The following CACNB2 variants were observed in gnomAD, a reference collection of about 807,000 sequenced individuals.
CACNB2 encodes calcium voltage-gated channel auxiliary subunit beta 2, also known as voltage-dependent L-type calcium channel subunit beta-2.
CACNB2 carries 42 observed loss-of-function variants against 73.3 expected under a neutral mutation model. The observed-to-expected ratio is 0.57, with a 90% CI of 0.45 to 0.74. CACNB2 has a LOEUF of 0.74. CACNB2 is among the 30% of genes least tolerant of loss of function. CACNB2 has a pLI of 0.00. For synonymous variants in CACNB2, 348 were observed against 310.3 expected (o/e 1.12, Z -1.28); for missense variants, 940 against 853.0 (o/e 1.10, Z -1.27).
chr10:18,356,657 G>A (rs889887971), intron 2 of CACNB2, among the ~76,000 whole-genome samples: 1 of 150,754 alleles, frequency 6.6e-6, no homozygotes, highest in Non-Finnish European at 1.5e-5. Context: ...TTTTAACAGA[G>A]TCTTACTCTA....
intron 3 of CACNB2, among the ~76,000 whole-genome samples, chr10:18,429,990 C>CA (rs1364295358): frequency 6.6e-6 from 1 of 151,746 alleles, no homozygotes; most frequent in Non-Finnish European, 1.5e-5. Context: ...AAAAACAAAA[C>CA]AAAAAAAGTC....
At chr10:18,394,021 A>C (rs1158303511) in intron 2 of CACNB2, among the ~76,000 whole-genome samples, 1 of 152,286 alleles carries the variant, frequency 6.6e-6, no homozygotes, top group African/African-American at 2.4e-5. Context: ...GGCTTACTGC[A>C]ACCTCTGCCT....
chr10:18,484,569 T>C (rs1487240735), intron 3 of CACNB2, among the ~76,000 whole-genome samples: 1 of 151,428 alleles, frequency 6.6e-6, no homozygotes, highest in Non-Finnish European at 1.5e-5. Flanking sequence ...AAGAAGAGAG[T>C]GCTCAAATTA....
rs891821708 is a variant in CACNB2, at chr10:18,496,044, G to A, written c.334-2311G>A. ...CTACTAAAAATACAAAAATTAGCCA[G>A]GCATGATGGCGGGTGCCTGTAGTCC... is the stretch of plus-strand genomic sequence containing the variant. On this transcript the variant is annotated intron_variant, in intron 3 of 13. Coordinates refer to ENST00000324631, the MANE Select transcript of CACNB2 (RefSeq NM_201596.3). Among the ~76,000 whole-genome samples the A allele has an allele frequency of 2.0e-5, 3 of 152,122 alleles. No homozygotes were observed. The South Asian group carries it at 6.2e-4, about 32-fold the overall frequency.
At chr10:18,318,234 G>C (rs894050279) in intron 2 of CACNB2, among the ~76,000 whole-genome samples, 4 of 152,076 alleles carry the variant, frequency 2.6e-5, no homozygotes, top group African/African-American at 9.7e-5. Context: ...ACACTACAAG[G>C]CTGCAGTAAC....
intron 2 of CACNB2, among the ~76,000 whole-genome samples, chr10:18,210,878 G>A (rs2035290091): frequency 6.6e-6 from 1 of 152,124 alleles, no homozygotes; most frequent in Non-Finnish European, 1.5e-5. Context: ...ATGGCTTTTG[G>A]ACTCAGAATA....
intron 2 of CACNB2, among the ~76,000 whole-genome samples, chr10:18,205,431 T>C (rs892933222): frequency 6.6e-6 from 1 of 152,226 alleles, no homozygotes; most frequent in African/African-American, 2.4e-5. Context: ...AGGATGCGCA[T>C]GACTAGTTTG....
chr10:18,220,221 ATATATATAT>A (rs2035708031), intron 2 of CACNB2, among the ~76,000 whole-genome samples: 18 of 57,266 alleles, frequency 3.1e-4, no homozygotes, highest in African/African-American at 1.6e-3. Context: ...ATATATATAT[ATATATATAT>A]ATAGAGAGAG....
intron 2 of CACNB2, among the ~76,000 whole-genome samples, chr10:18,390,116 G>A (rs1014956738): frequency 4.6e-5 from 7 of 152,178 alleles, no homozygotes; most frequent in Admixed American, 2.0e-4. Flanking sequence ...ATTGCCACCC[G>A]GGAGAACTCA....
At chr10:18,507,515 A>T (rs1440449513) in intron 6 of CACNB2, among the ~76,000 whole-genome samples, 2 of 152,242 alleles carry the variant, frequency 1.3e-5, no homozygotes, top group African/African-American at 4.8e-5. Flanking sequence ...GAACATACTT[A>T]TGCTAAAACA....
chr10:18,257,527 T>C (rs2131580959), intron 2 of CACNB2, among the ~76,000 whole-genome samples: 1 of 152,292 alleles, frequency 6.6e-6, no homozygotes, highest in South Asian at 2.1e-4. Flanking sequence ...GAAACACAAT[T>C]TGTTCTGTGT....
chr10:18,180,451 C>T (rs1238565874), intron 2 of CACNB2, among the ~76,000 whole-genome samples: 8 of 145,342 alleles, frequency 5.5e-5, no homozygotes, highest in African/African-American at 2.0e-4. Context: ...GTAAGGCTGC[C>T]TTTTTTTTTT....
chr10:18,168,326 G>A (rs1215180790), intron 2 of CACNB2, among the ~76,000 whole-genome samples: 1 of 152,086 alleles, frequency 6.6e-6, no homozygotes, highest in East Asian at 1.9e-4. Context: ...AGGCTGGAAG[G>A]ACTGCTGCTG....
intron 3 of CACNB2, among the ~76,000 whole-genome samples, chr10:18,479,371 C>G (rs2132823768): frequency 6.6e-6 from 1 of 152,114 alleles, no homozygotes; most frequent in Middle Eastern, 3.4e-3. Context: ...GTAGGTATAC[C>G]TGGAGTTCTT....
chr10:18,345,035 G>A lies in CACNB2; in HGVS notation c.214-56889G>A, dbSNP rs527362302. ...AATCAGCATAATATAACATCGTGAC[G>A]ATCTGCCATTGATTGTCCAATAAAA... On this transcript the variant is annotated intron_variant, in intron 2 of 13. Coordinates refer to ENST00000324631, the MANE Select transcript of CACNB2 (RefSeq NM_201596.3). Among the ~76,000 whole-genome samples, 14 of 152,254 alleles carry A rather than the reference G, an allele frequency of 9.2e-5. No individual in the cohort carries two copies. In the East Asian group the frequency reaches 1.7e-3, roughly 19 times the overall value.
chr10:18,259,540 A>C, intron 2 of CACNB2, among the ~76,000 whole-genome samples: 1 of 125,480 alleles, frequency 8.0e-6, no homozygotes, highest in South Asian at 2.5e-4. Context: ...CTCCATCTCT[A>C]CTGAAAAAAA....
intron 3 of CACNB2, among the ~76,000 whole-genome samples, chr10:18,461,736 G>T (rs1410975996): frequency 7.1e-6 from 1 of 140,554 alleles, no homozygotes; most frequent in East Asian, 2.1e-4. Flanking sequence ...CTGTGCAGGA[G>T]ACCCCTGCTT....
At chr10:18,153,994 G>T (rs565783514) in intron 2 of CACNB2, among the ~76,000 whole-genome samples, 1 of 151,630 alleles carries the variant, frequency 6.6e-6, no homozygotes, top group East Asian at 1.9e-4. Context: ...GTACTTGTCT[G>T]TAGCTAGGGA....
Position 18,353,558 on chromosome 10 carries a change from G to A in CACNB2, c.214-48366G>A, listed in dbSNP as rs148286703. Reference sequence around the variant, plus strand: ...ATATGTAAGCATTTCTTCACAGTTCGCCGATCTACGTTGATTCAGTATAAG... The same window carrying A: ...ATATGTAAGCATTTCTTCACAGTTCACCGATCTACGTTGATTCAGTATAAG... On this transcript the variant is annotated intron_variant, in intron 2 of 13. Transcript: ENST00000324631. Among the ~76,000 whole-genome samples, 16 of 152,186 alleles carry A rather than the reference G, an allele frequency of 1.1e-4. No homozygotes were observed. In the East Asian group the frequency reaches 2.7e-3, roughly 26 times the overall value.
Sources: allele counts gnomAD v4.1 joint callset (sites outside exome capture counted in the v4.1 genomes callset), GRCh38; gene constraint gnomAD v4.1.1; transcripts MANE v1.5; gene names NCBI Gene and HGNC (gene_info 2026-07-23, HGNC 2026-07-21).